The following SIAH2 variants were observed in gnomAD, a reference collection of about 807,000 sequenced individuals.
SIAH2 encodes the protein E3 ubiquitin-protein ligase SIAH2.
SIAH2 carries 4 observed loss-of-function variants against 20.4 expected under a neutral mutation model. The ratio of observed to expected loss-of-function variants is 0.20; its 90% CI spans 0.10 to 0.45. The LOEUF is 0.45. SIAH2 is among the 20% of genes least tolerant of loss of function. SIAH2 has a pLI of 0.99. For synonymous variants in SIAH2, 171 were observed against 192.5 expected, an observed-to-expected ratio of 0.89 and a Z score of 0.93; for missense variants, 259 against 440.3, an observed-to-expected ratio of 0.59 and a Z score of 3.69.
chr3:150,760,454 T>C (rs1198394928), intron 1 of SIAH2, among the ~76,000 whole-genome samples: 1 of 152,236 alleles, frequency 6.6e-6, no homozygotes, highest in Non-Finnish European at 1.5e-5. Context: ...TTCCCAGAAC[T>C]ACTCTTCAAG....
At chr3:150,749,325 C>T (rs1228998672) in intron 1 of SIAH2, among the ~76,000 whole-genome samples, 2 of 151,708 alleles carry the variant, frequency 1.3e-5, no homozygotes, top group African/African-American at 4.8e-5. Flanking sequence ...ATAGGGAGAC[C>T]CCTGTCTCTA....
At position 150,762,770 on chromosome 3, in the gene SIAH2, G is replaced by A. The variant is rs755536279; in HGVS notation, c.80C>T (p.Pro27Leu). The A allele has an allele frequency of 8.3e-7, 1 of 1,209,216 alleles. No homozygotes were observed. The highest frequency in any genetic ancestry group is 1.0e-6 in the Non-Finnish European group (1 of 963,634). The allele number at this position is 1,209,216 out of a possible 1,614,324, so 74.9% of individuals were successfully genotyped here. A position where few individuals can be genotyped will look rare whatever the true frequency, so the allele number is the denominator to read the frequency against. ...GGCGGCCGGGGGCGCAGCCGGGGACGGAGTGTGCTGGGGCTGCGGCGGCGG... is the reference window on the plus strand; with the variant it reads ...GGCGGCCGGGGGCGCAGCCGGGGACAGAGTGTGCTGGGGCTGCGGCGGCGG... ...KQPPPQPQHT[P>L]SPAAPPAAAT... Residue 27 changes from proline (P) to leucine (L), a missense_variant, in exon 1 of 2, where the codon CCG becomes CTG. Pro to Leu is a moderately conservative substitution (Grantham distance 98). Around this residue, in one of 2 missense-constraint regions of SIAH2, gnomAD observed 99 missense variants for 112.7 expected, o/e 0.88. Transcript: ENST00000312960. The surrounding 1 kb of genome is among the most constrained non-coding windows in gnomAD (Gnocchi z 6.6).
intron 1 of SIAH2, among the ~76,000 whole-genome samples, chr3:150,756,313 A>C (rs533063328): frequency 6.6e-6 from 1 of 152,370 alleles, no homozygotes; most frequent in Non-Finnish European, 1.5e-5. Context: ...AAATGCTGGC[A>C]CTGGTACACA....
intron 1 of SIAH2, among the ~76,000 whole-genome samples, chr3:150,753,198 A>C (rs753980490): frequency 6.6e-6 from 1 of 152,162 alleles, no homozygotes; most frequent in Non-Finnish European, 1.5e-5. Context: ...CCACCAGTAG[A>C]CTTAGGAGAG....
chr3:150,746,578 A>C (rs775578032), intron 1 of SIAH2, among the ~76,000 whole-genome samples: 1 of 152,110 alleles, frequency 6.6e-6, no homozygotes, highest in Non-Finnish European at 1.5e-5. Flanking sequence ...CGTGGTCTCT[A>C]TTCATTAGAT....
In SIAH2 at chr3:150,741,884, T is replaced by A. The variant is rs1714094970; in HGVS notation, c.*257A>T. ...TGTGCAACAGCCTGTCAAGTGTTGT[T>A]TAGGGAGTAAATACAATTCAATAAG... is the stretch of plus-strand genomic sequence containing the variant. On this transcript the variant is annotated 3_prime_UTR_variant, in exon 2 of 2. Coordinates refer to ENST00000312960, the MANE Select transcript of SIAH2 (RefSeq NM_005067.7). The A allele has an allele frequency of 4.6e-6, 2 of 430,662 alleles. No homozygotes were observed. The highest frequency in any genetic ancestry group is 4.0e-5 in the African/African-American group (2 of 49,414). 26.7% of individuals were successfully genotyped at this position (430,662 alleles called of 1,614,324 possible).
chr3:150,759,725 A>G (rs1359680464), intron 1 of SIAH2, among the ~76,000 whole-genome samples: 2 of 151,666 alleles, frequency 1.3e-5, no homozygotes, highest in Non-Finnish European at 2.9e-5. Context: ...GTAAAAGCTG[A>G]CCCCTGCAAA....
At chr3:150,757,740 G>A (rs149457557) in intron 1 of SIAH2, among the ~76,000 whole-genome samples, 2 of 152,096 alleles carry the variant, frequency 1.3e-5, no homozygotes, top group African/African-American at 4.8e-5. Context: ...CAGCACTTTG[G>A]GGGGCCGAGA....
At chr3:150,760,926 G>T (rs1714596939) in intron 1 of SIAH2, among the ~76,000 whole-genome samples, 1 of 152,224 alleles carries the variant, frequency 6.6e-6, no homozygotes, top group Non-Finnish European at 1.5e-5. Context: ...GAGTGAATTA[G>T]TAAGCACTAT....
intron 1 of SIAH2, among the ~76,000 whole-genome samples, chr3:150,743,764 C>T (rs1417045452): frequency 6.6e-6 from 1 of 152,078 alleles, no homozygotes; most frequent in African/African-American, 2.4e-5. Flanking sequence ...GTGTTAATTC[C>T]TAGATACCAG....
chr3:150,754,356 A>C (rs113456809), intron 1 of SIAH2, among the ~76,000 whole-genome samples: 1,559 of 152,274 alleles, frequency 0.01, 33 homozygotes, highest in African/African-American at 0.035. Flanking sequence ...CAAGGGTGGG[A>C]GAGGTGCTTC....
chr3:150,762,616 G>A lies in SIAH2; in HGVS notation c.234C>T (p.Phe78=). 1 of 1,611,196 alleles carries A rather than the reference G, an allele frequency of 6.2e-7. No individual in the cohort carries two copies. Residue 78 remains phenylalanine (F), a synonymous_variant, in exon 1 of 2, where the codon TTC becomes TTT. Coordinates refer to ENST00000312960, the MANE Select transcript of SIAH2 (RefSeq NM_005067.7). The surrounding 1 kb of genome is among the most constrained non-coding windows in gnomAD (Gnocchi z 6.6). ...CATAGTCAAAGCAGACCGGACACTC[G>A]AAGAGCGAGGTCAGCTCGTGGTGCT... ...SPQHHELTSL[F]ECPVCFDYVL...
At chr3:150,761,600 A>G (rs1035433642) in intron 1 of SIAH2, among the ~76,000 whole-genome samples, 2 of 152,176 alleles carry the variant, frequency 1.3e-5, no homozygotes, top group African/African-American at 4.8e-5. Flanking sequence ...TATAGTTTAA[A>G]AAGATACACA....
intron 1 of SIAH2, among the ~76,000 whole-genome samples, chr3:150,751,002 A>C (rs1714346724): frequency 6.6e-6 from 1 of 152,182 alleles, no homozygotes; most frequent in Non-Finnish European, 1.5e-5. Flanking sequence ...GGGAAACAGG[A>C]GAAAGTGAAA....
chr3:150,745,952 AG>A (rs1714202119), intron 1 of SIAH2, among the ~76,000 whole-genome samples: 3 of 152,220 alleles, frequency 2.0e-5, no homozygotes, highest in South Asian at 4.1e-4. Context: ...AACTATGTAA[AG>A]GAAGACCAGG....
chr3:150,760,689 C>T (rs1714587212), intron 1 of SIAH2, among the ~76,000 whole-genome samples: 1 of 152,222 alleles, frequency 6.6e-6, no homozygotes, highest in Non-Finnish European at 1.5e-5. Context: ...ACCTAAAAGC[C>T]ATTTCTTTTG....
chr3:150,752,504 G>T (rs1714393381), intron 1 of SIAH2, among the ~76,000 whole-genome samples: 1 of 152,116 alleles, frequency 6.6e-6, no homozygotes, highest in East Asian at 1.9e-4. Context: ...AGCTAATCGG[G>T]AGGCTGAGGC....
At chr3:150,758,476 C>T (rs1714532679) in intron 1 of SIAH2, among the ~76,000 whole-genome samples, 1 of 151,472 alleles carries the variant, frequency 6.6e-6, no homozygotes, top group Admixed American at 6.6e-5. Flanking sequence ...AGTCTGGGCA[C>T]AGGATGTCAA....
Position 150,762,742 on chromosome 3 carries a change from G to C in SIAH2, c.108C>G (p.Ala36=). 2 of 1,174,636 alleles carry C rather than the reference G, an allele frequency of 1.7e-6. No individual in the cohort carries two copies. Among genetic ancestry groups the C allele is most frequent in the Non-Finnish European group, 2.1e-6 (2 of 945,032 alleles). The allele number at this position is 1,174,636 out of a possible 1,614,324, so 72.8% of individuals were successfully genotyped here. A position where few individuals can be genotyped will look rare whatever the true frequency, so the allele number is the denominator to read the frequency against. The change falls in exon 1 of 2, where the codon GCC becomes GCG. Residue 36 remains alanine (A), a synonymous_variant. Coordinates refer to ENST00000312960, the MANE Select transcript of SIAH2 (RefSeq NM_005067.7). The surrounding 1 kb of genome is among the most constrained non-coding windows in gnomAD (Gnocchi z 6.6). The stretch of plus-strand genomic sequence containing the variant: ...AGCCGGGGCCCGCAGCCGAGATGGT[G>C]GCGGCGGCCGGGGGCGCAGCCGGGG... ...TPSPAAPPAA[A]TISAAGPGSS...
Sources: allele counts gnomAD v4.1 joint callset (sites outside exome capture counted in the v4.1 genomes callset), GRCh38; gene constraint gnomAD v4.1.1; regional missense constraint gnomAD v4.1.1; non-coding constraint Gnocchi (gnomAD v3.1); transcripts MANE v1.5; gene names NCBI Gene and HGNC (gene_info 2026-07-23, HGNC 2026-07-21).